SHANK2: variants seen among roughly 807,000 people sequenced by gnomAD.
SHANK2 encodes the protein SH3 and multiple ankyrin repeat domains 2, also known as SH3 and multiple ankyrin repeat domains protein 2.
SHANK2 carries 43 observed loss-of-function variants against 133.7 expected under a neutral mutation model. That is an observed-to-expected ratio of 0.32 (90% CI 0.25 to 0.41). The LOEUF is 0.41. Among genes scored for constraint, SHANK2 ranks in the 10% least tolerant of loss-of-function variants. The probability of loss-of-function intolerance (pLI) is 1.00; values close to 1 mark genes in which losing one functional copy is unlikely to be tolerated. For missense variants in SHANK2, 1,994 were observed against 2,235.8 expected (o/e 0.89, Z 2.18); for synonymous variants, 1,017 against 952.8 (o/e 1.07, Z -1.24).
In SHANK2 at chr11:71,252,111, T is replaced by C. The variant is rs1948194100; in HGVS notation, c.-113+314A>G. 6.6e-6 allele frequency among the ~76,000 whole-genome samples: 1 copy of C among 152,050 alleles called. No individual in the cohort carries two copies. Among genetic ancestry groups the C allele is most frequent in the Non-Finnish European group, 1.5e-5 (1 of 67,982 alleles). On this transcript the variant is annotated intron_variant, in intron 1 of 25. Transcript: ENST00000601538. The surrounding 1 kb of genome is among the most constrained non-coding windows in gnomAD (Gnocchi z 6.3). Reference sequence around the variant, plus strand: ...CTACGTGGTCCATGCGCGCAGGAGATAAAGCGGGGGCTCCTTCCTGCGCTC... The same window carrying C: ...CTACGTGGTCCATGCGCGCAGGAGACAAAGCGGGGGCTCCTTCCTGCGCTC...
chr11:70,631,406 A>ACACACC (rs567386319), intron 17 of SHANK2, among the ~76,000 whole-genome samples: 10 of 149,442 alleles, frequency 6.7e-5, no homozygotes, highest in Admixed American at 6.0e-4. Context: ...ACACACACAC[A>ACACACC]CACCCACACA....
intron 25 of SHANK2, among the ~76,000 whole-genome samples, chr11:70,482,397 G>A (rs540909371): frequency 9.8e-5 from 15 of 152,328 alleles, no homozygotes; most frequent in African/African-American, 2.4e-4. Context: ...AGCCCCGCCC[G>A]CGGCAGTCTC....
At chr11:70,868,286 T>C (rs1949403409) in intron 11 of SHANK2, among the ~76,000 whole-genome samples, 1 of 152,140 alleles carries the variant, frequency 6.6e-6, no homozygotes, top group Non-Finnish European at 1.5e-5. Flanking sequence ...TGGGGCGGTG[T>C]GATCTGCTCT....
intron 10 of SHANK2, among the ~76,000 whole-genome samples, chr11:70,916,511 A>G (rs1333154839): frequency 6.6e-6 from 1 of 152,198 alleles, no homozygotes; most frequent in Admixed American, 6.5e-5. Context: ...GCGTGTACAC[A>G]CACACACAGC....
At chr11:71,090,647 G>A (rs370361352) in intron 8 of SHANK2, among the ~76,000 whole-genome samples, 1 of 151,588 alleles carries the variant, frequency 6.6e-6, no homozygotes, top group Non-Finnish European at 1.5e-5. Context: ...GTGTGTGTGT[G>A]TGTGTGTGTG....
At chr11:70,658,117 A>AT (rs1416058199) in intron 17 of SHANK2, among the ~76,000 whole-genome samples, 2 of 141,138 alleles carry the variant, frequency 1.4e-5, no homozygotes, top group Non-Finnish European at 3.1e-5. Context: ...CTATTTCAAC[A>AT]CCCCCCCCAC....
At chr11:70,510,163 G>A (rs1347319785) in intron 17 of SHANK2, among the ~76,000 whole-genome samples, 1 of 152,150 alleles carries the variant, frequency 6.6e-6, no homozygotes, top group African/African-American at 2.4e-5. Context: ...CCCTGGGGCC[G>A]CAGTTCACCC....
chr11:70,629,458 G>A (rs1209258075), intron 17 of SHANK2, among the ~76,000 whole-genome samples: 1 of 152,198 alleles, frequency 6.6e-6, no homozygotes. Flanking sequence ...TGGGACACAC[G>A]GACGTCCAGC....
intron 17 of SHANK2, among the ~76,000 whole-genome samples, chr11:70,513,589 G>A (rs782070009): frequency 1.3e-4 from 20 of 152,194 alleles, no homozygotes; most frequent in Admixed American, 9.8e-4. Context: ...TGACCCAGAT[G>A]TTGGAATTAT....
chr11:70,745,937 G>A (rs1946628144), intron 14 of SHANK2, among the ~76,000 whole-genome samples: 1 of 152,250 alleles, frequency 6.6e-6, no homozygotes, highest in Non-Finnish European at 1.5e-5. Context: ...GGCCTCGGAT[G>A]TGAAACCATT....
At chr11:70,936,520 A>G (rs555122905) in intron 10 of SHANK2, among the ~76,000 whole-genome samples, 2 of 152,320 alleles carry the variant, frequency 1.3e-5, no homozygotes, top group African/African-American at 4.8e-5. Context: ...TTAAAAAAAT[A>G]AAAAAGAGAG....
At chr11:70,787,551 C>T (rs954458916) in intron 14 of SHANK2, among the ~76,000 whole-genome samples, 114 of 150,678 alleles carry the variant, frequency 7.6e-4, no homozygotes, top group Non-Finnish European at 1.4e-3. Flanking sequence ...ACCATCATCA[C>T]CATGACCATC....
Position 70,827,690 on chromosome 11 carries a change from AACACACACACACAC to A in SHANK2, c.1175-7022_1175-7009del, listed in dbSNP as rs113156725. Among the ~76,000 whole-genome samples the A allele has an allele frequency of 3.5e-3, 462 of 130,488 alleles. 5 individuals carry two copies. The highest frequency in any genetic ancestry group is 0.012 in the African/African-American group (417 of 33,564). 85.6% of individuals were successfully genotyped at this position (130,488 alleles called of 152,430 possible). ...TAAGAGAACTGCTTCAGAAATTTAA[AACACACACACACAC>A]ACACACACACACACACACACACACA... On this transcript the variant is annotated intron_variant, in intron 11 of 25. Coordinates refer to ENST00000601538, the MANE Select transcript of SHANK2 (RefSeq NM_012309.5).
chr11:70,844,814 C>G (rs1948970643), intron 11 of SHANK2, among the ~76,000 whole-genome samples: 1 of 152,116 alleles, frequency 6.6e-6, no homozygotes, highest in Admixed American at 6.5e-5. Flanking sequence ...TCTGAGCGCC[C>G]CCATGGCCCT....
At chr11:70,954,812 T>G (rs1555087419) in intron 10 of SHANK2, among the ~76,000 whole-genome samples, 1 of 152,218 alleles carries the variant, frequency 6.6e-6, no homozygotes, top group Non-Finnish European at 1.5e-5. Flanking sequence ...TTTCTCCTCC[T>G]TCTATGTGCA....
intron 20 of SHANK2, among the ~76,000 whole-genome samples, chr11:70,501,618 C>G (rs988284156): frequency 1.3e-5 from 2 of 152,234 alleles, no homozygotes; most frequent in African/African-American, 4.8e-5. Flanking sequence ...GCCAGCATGG[C>G]CCACGTGGCT....
At chr11:70,502,685 G>A (rs2059072914) in intron 18 of SHANK2, 111 bp downstream of exon 18, 14 of 1,262,722 alleles carry the variant, frequency 1.1e-5, no homozygotes, top group Middle Eastern at 2.7e-4. Context: ...GCTCTCAGAA[G>A]TGTGGGATCA....
At chr11:71,193,263 C>G (rs1026676656) in intron 2 of SHANK2, among the ~76,000 whole-genome samples, 2 of 152,220 alleles carry the variant, frequency 1.3e-5, no homozygotes, top group African/African-American at 2.4e-5. Context: ...GGAATCCCAG[C>G]CCATGGGTTC....
intron 17 of SHANK2, among the ~76,000 whole-genome samples, chr11:70,620,649 C>T (rs1444501427): frequency 6.6e-6 from 1 of 152,152 alleles, no homozygotes; most frequent in Non-Finnish European, 1.5e-5. Context: ...CCCCAAGTTC[C>T]TATGTTGACA....
Sources: gnomAD v4.1 joint callset for allele counts (sites outside exome capture counted in the v4.1 genomes callset) on GRCh38, gnomAD v4.1.1 for gene constraint, Gnocchi (gnomAD v3.1) non-coding constraint, MANE v1.5 for transcripts, NCBI Gene and HGNC (gene_info 2026-07-23, HGNC 2026-07-21) for gene names.